Variants in CISD1 observed in about 807,000 individuals in gnomAD.
The protein encoded by CISD1 is CDGSH iron-sulfur domain-containing protein 1.
CISD1 carries 8 observed loss-of-function variants against 12.0 expected under a neutral mutation model. The ratio of observed to expected loss-of-function variants is 0.67; its 90% confidence interval spans 0.39 to 1.20. The LOEUF is 1.20. Among genes scored for constraint, CISD1 ranks in the 50% most tolerant of loss-of-function variants. The pLI is 0.01. For missense variants in CISD1, 107 were observed against 132.7 expected (o/e 0.81, Z 0.95); for synonymous variants, 38 against 42.2 (o/e 0.90, Z 0.39).
intron 2 of CISD1, among the ~76,000 whole-genome samples, chr10:58,284,415 T>A (rs1356508300): frequency 6.6e-6 from 1 of 152,134 alleles, no homozygotes; most frequent in East Asian, 1.9e-4. Flanking sequence ...TTCCTAGGGT[T>A]AAGTGATATA....
At chr10:58,271,656 T>C (rs1839251030) in intron 1 of CISD1, among the ~76,000 whole-genome samples, 1 of 152,182 alleles carries the variant, frequency 6.6e-6, no homozygotes, top group African/African-American at 2.4e-5. Flanking sequence ...TAGAATGATA[T>C]GTGACAGTGG....
chr10:58,280,278 A>G (rs1294762244), intron 2 of CISD1, among the ~76,000 whole-genome samples: 1 of 152,178 alleles, frequency 6.6e-6, no homozygotes, highest in Non-Finnish European at 1.5e-5. Context: ...TTTCAAACAT[A>G]GAGTTATGAT....
intron 1 of CISD1, among the ~76,000 whole-genome samples, chr10:58,270,393 T>A (rs1303181276): frequency 3.9e-5 from 6 of 152,252 alleles, no homozygotes; most frequent in African/African-American, 1.4e-4. Flanking sequence ...AGACTTTTTT[T>A]AATAGAGGCA....
chr10:58,269,347 C>T (rs760089570), intron 1 of CISD1, 43 bp downstream of exon 1: 2 of 1,575,260 alleles, frequency 1.3e-6, no homozygotes, highest in Non-Finnish European at 1.7e-6. Flanking sequence ...TGAGGCTCAG[C>T]GGTTGCCGCG....
Position 58,287,680 on chromosome 10 carries a change from TGTC to T in CISD1, c.*33_*35del, listed in dbSNP as rs760370092. ...ACACTTTTGATGCTGCAAATCAGCT[TGTC>T]GTGAAGTTACCTGATTGTTTAATTA... On this transcript the variant is annotated 3_prime_UTR_variant, in exon 3 of 3. Coordinates refer to ENST00000333926, the MANE Select transcript of CISD1 (RefSeq NM_018464.5). 6.1e-5 allele frequency: 87 copies of T among 1,432,668 alleles called. No individual in the cohort carries two copies. The highest frequency in any genetic ancestry group is 3.6e-4 in the South Asian group (30 of 82,548). The allele number at this position is 1,432,668 out of a possible 1,614,324, so 88.7% of individuals were successfully genotyped here.
intron 1 of CISD1, among the ~76,000 whole-genome samples, chr10:58,275,164 A>G (rs939634452): frequency 6.6e-6 from 1 of 152,212 alleles, no homozygotes; most frequent in Admixed American, 6.5e-5. Context: ...TTAAGTTTGT[A>G]CTAAAGATGA....
chr10:58,270,672 T>C (rs1839235954), intron 1 of CISD1, among the ~76,000 whole-genome samples: 1 of 152,230 alleles, frequency 6.6e-6, no homozygotes, highest in Non-Finnish European at 1.5e-5. Flanking sequence ...CCTTAGGACT[T>C]ACCGCTATCT....
In CISD1 at chr10:58,272,516, A is replaced by C. The variant is rs545744386; in HGVS notation, c.31+3212A>C. On this transcript the variant is annotated intron_variant, in intron 1 of 2. Transcript: ENST00000333926. ...GGAAAATATTGTTTTGGTTCACTAA[A>C]TTCACCAAGTCATTTAAAGTCATTA... Among the ~76,000 whole-genome samples the C allele has an allele frequency of 2.4e-4, 36 of 152,336 alleles. No homozygotes were observed. In the South Asian group the frequency reaches 7.5e-3, roughly 32 times the overall value.
At chr10:58,283,851 G>A (rs1343343052) in intron 2 of CISD1, among the ~76,000 whole-genome samples, 1 of 152,096 alleles carries the variant, frequency 6.6e-6, no homozygotes, top group Non-Finnish European at 1.5e-5. Flanking sequence ...GGACATAAAG[G>A]AAATTTGATT....
chr10:58,274,475 G>A (rs1213338878), intron 1 of CISD1, among the ~76,000 whole-genome samples: 3 of 135,090 alleles, frequency 2.2e-5, no homozygotes, highest in Non-Finnish European at 4.6e-5. Context: ...TTACTTCTGG[G>A]AACTGTTGCA....
At chr10:58,274,664 AGT>A (rs1445228363) in intron 1 of CISD1, among the ~76,000 whole-genome samples, 2 of 151,972 alleles carry the variant, frequency 1.3e-5, no homozygotes, top group African/African-American at 4.8e-5. Context: ...TAGAGCACAA[AGT>A]GTGTGTTTTG....
chr10:58,281,168 A>C (rs969244980), intron 2 of CISD1, among the ~76,000 whole-genome samples: 1 of 152,242 alleles, frequency 6.6e-6, no homozygotes, highest in Non-Finnish European at 1.5e-5. Flanking sequence ...TTCAGGAAGA[A>C]TCACCAGTGG....
At chr10:58,282,853 G>A (rs1023087914) in intron 2 of CISD1, 4 of 152,192 alleles carry the variant, frequency 2.6e-5, no homozygotes, top group African/African-American at 9.7e-5. Context: ...TAAGAGGGAA[G>A]GGTATGGGAT....
intron 2 of CISD1, among the ~76,000 whole-genome samples, chr10:58,282,140 T>C (rs910154487): frequency 3.3e-5 from 5 of 152,144 alleles, no homozygotes; most frequent in Non-Finnish European, 7.4e-5. Flanking sequence ...TTTTGTATTC[T>C]TAGTAGAGAC....
intron 2 of CISD1, among the ~76,000 whole-genome samples, 180 bp downstream of exon 2, chr10:58,277,502 C>T (rs1308477299): frequency 1.3e-5 from 2 of 151,952 alleles, no homozygotes; most frequent in Non-Finnish European, 2.9e-5. Context: ...TCACTGCAAC[C>T]TCCACCTCCC....
In CISD1 at chr10:58,277,438, G is replaced by A. The variant is rs994568400; in HGVS notation, c.237+116G>A. On this transcript the variant is annotated intron_variant, in intron 2 of 2. Coordinates refer to ENST00000333926, the MANE Select transcript of CISD1 (RefSeq NM_018464.5). ...ATGATATCCCTTTTTTGTTGTTGTT[G>A]AGACAGAGTCTTGCTCTGTCATCCA... 1.3e-5 allele frequency: 10 copies of A among 754,326 alleles called. No homozygotes were observed. The Admixed American group carries it at 3.2e-4, about 24-fold the overall frequency. 46.7% of individuals were successfully genotyped at this position (754,326 alleles called of 1,614,324 possible).
At chr10:58,271,926 C>A in intron 1 of CISD1, among the ~76,000 whole-genome samples, 1 of 152,236 alleles carries the variant, frequency 6.6e-6, no homozygotes, top group African/African-American at 2.4e-5. Flanking sequence ...ACTAAGTGGC[C>A]TTCACTGCCT....
At chr10:58,277,948 T>C (rs375571895) in intron 2 of CISD1, among the ~76,000 whole-genome samples, 7 of 152,326 alleles carry the variant, frequency 4.6e-5, no homozygotes, top group African/African-American at 1.7e-4. Context: ...TAAAAACTTA[T>C]GTGGTAAATG....
At chr10:58,274,329 G>A (rs1308441846) in intron 1 of CISD1, among the ~76,000 whole-genome samples, 3 of 150,564 alleles carry the variant, frequency 2.0e-5, no homozygotes, top group Non-Finnish European at 1.5e-5. Context: ...CATCATTTTT[G>A]TCTATCTCTG....
Sources: allele counts gnomAD v4.1 joint callset (sites outside exome capture counted in the v4.1 genomes callset), GRCh38; gene constraint gnomAD v4.1.1; transcripts MANE v1.5; gene names NCBI Gene and HGNC (gene_info 2026-07-23, HGNC 2026-07-21).